The following MARCHF4 variants were observed in gnomAD, a reference collection of about 807,000 sequenced individuals.
MARCHF4 encodes the protein E3 ubiquitin-protein ligase MARCHF4.
A neutral mutation model predicts 43.9 loss-of-function variants in MARCHF4; 14 were observed. The ratio of observed to expected loss-of-function variants is 0.32; its 90% confidence interval spans 0.21 to 0.50. MARCHF4 has a LOEUF of 0.50. MARCHF4 is among the 20% of genes least tolerant of loss of function. MARCHF4 has a pLI of 0.98. For missense variants in MARCHF4, 468 were observed against 536.7 expected (o/e 0.87, Z 1.27); for synonymous variants, 226 against 213.3 (o/e 1.06, Z -0.52).
intron 1 of MARCHF4, among the ~76,000 whole-genome samples, chr2:216,291,589 C>G (rs962375235): frequency 6.6e-6 from 1 of 152,174 alleles, no homozygotes; most frequent in Admixed American, 6.5e-5. Flanking sequence ...ACACAGTAAG[C>G]TCTCAGTAAA....
At chr2:216,319,786 C>T (rs1291123786) in intron 1 of MARCHF4, among the ~76,000 whole-genome samples, 2 of 152,102 alleles carry the variant, frequency 1.3e-5, no homozygotes, top group Non-Finnish European at 1.5e-5. Flanking sequence ...ATCCCCAGCC[C>T]GTCACTCAAA....
rs1378711288 is a variant in MARCHF4 at position 216,258,581 on chromosome 2, AAATT to A, written c.*727_*730del. ...TCTTTGAACCAAATCACTATAAAATAAATTAACAAGGGCACAGAAGGACACCCTT... is the reference window on the plus strand; with the variant it reads ...TCTTTGAACCAAATCACTATAAAATAAACAAGGGCACAGAAGGACACCCTT... On this transcript the variant is annotated 3_prime_UTR_variant, in exon 4 of 4. Transcript: ENST00000273067. The A allele has an allele frequency of 6.6e-6, 1 of 151,906 alleles. No individual in the cohort carries two copies. The highest frequency in any genetic ancestry group is 1.5e-5 in the Non-Finnish European group (1 of 68,162). 9.4% of individuals were successfully genotyped at this position (151,906 alleles called of 1,614,324 possible).
intron 3 of MARCHF4, chr2:216,265,936 C>T (rs1690838526): frequency 6.6e-6 from 1 of 152,222 alleles, no homozygotes; most frequent in South Asian, 2.1e-4. Context: ...TCAGGTGAGG[C>T]TGATGCTGCC....
At chr2:216,329,423 T>C (rs193200555) in intron 1 of MARCHF4, among the ~76,000 whole-genome samples, 4 of 152,150 alleles carry the variant, frequency 2.6e-5, no homozygotes, top group African/African-American at 9.6e-5. Flanking sequence ...CCTGAGGTAG[T>C]TGACAGGTTT....
At chr2:216,280,689 G>T (rs538600375) in intron 2 of MARCHF4, among the ~76,000 whole-genome samples, 2 of 152,086 alleles carry the variant, frequency 1.3e-5, no homozygotes, top group African/African-American at 4.8e-5. Context: ...CCACATCTAC[G>T]CCACCACTCG....
At chr2:216,278,088 G>A (rs1347572111) in intron 2 of MARCHF4, among the ~76,000 whole-genome samples, 1 of 152,186 alleles carries the variant, frequency 6.6e-6, no homozygotes, top group East Asian at 1.9e-4. Context: ...TCATTGTAAG[G>A]AGGGGGCTCT....
chr2:216,289,235 C>CT (rs939876819), intron 1 of MARCHF4, among the ~76,000 whole-genome samples: 1 of 118,410 alleles, frequency 8.4e-6, no homozygotes, highest in Non-Finnish European at 1.7e-5. Flanking sequence ...TCTTCCCCAC[C>CT]CGCCCCCCAC....
At chr2:216,288,848 G>T (rs1008337019) in intron 1 of MARCHF4, among the ~76,000 whole-genome samples, 1 of 152,018 alleles carries the variant, frequency 6.6e-6, no homozygotes. Flanking sequence ...GCAGATTTAG[G>T]AGAGCTCTCT....
chr2:216,308,124 G>C (rs1691619643), intron 1 of MARCHF4, among the ~76,000 whole-genome samples: 1 of 152,120 alleles, frequency 6.6e-6, no homozygotes, highest in African/African-American at 2.4e-5. Flanking sequence ...CAAAAAGGCT[G>C]GGTGCGGTAG....
Position 216,267,757 on chromosome 2 carries a change from C to T in MARCHF4, c.866-8078G>A, listed in dbSNP as rs150570276. ...GCTATTTCTAGTCACAAACCCACTG[C>T]CAACAGACAGGCCACTCCTGAATCT... On this transcript the variant is annotated intron_variant, in intron 3 of 3. Coordinates refer to ENST00000273067, the MANE Select transcript of MARCHF4 (RefSeq NM_020814.3). 1.7e-4 allele frequency among the ~76,000 whole-genome samples: 26 copies of T among 152,314 alleles called. No homozygotes were observed. The East Asian group carries it at 5.0e-3, about 29-fold the overall frequency.
chr2:216,295,888 C>T (rs563865742), intron 1 of MARCHF4, among the ~76,000 whole-genome samples: 24 of 152,370 alleles, frequency 1.6e-4, no homozygotes, highest in South Asian at 4.1e-4. Context: ...TGGCTCACGC[C>T]TGTAATTCCA....
intron 1 of MARCHF4, among the ~76,000 whole-genome samples, chr2:216,338,035 C>T (rs1193754997): frequency 6.6e-6 from 1 of 152,156 alleles, no homozygotes; most frequent in Non-Finnish European, 1.5e-5. Flanking sequence ...GCAGTGACTT[C>T]TTGAAGAGGT....
chr2:216,269,205 T>C (rs1180154550), intron 3 of MARCHF4, among the ~76,000 whole-genome samples: 6 of 152,238 alleles, frequency 3.9e-5, no homozygotes, highest in Non-Finnish European at 1.5e-5. Flanking sequence ...AGTTGACTAT[T>C]TGATGTCCAA....
Position 216,371,578 on chromosome 2 carries a change from C to A in MARCHF4, c.-1318G>T, listed in dbSNP as rs1692768597. ...TCTGGCTGCTGCCCGCCGTCCGGCGCGGTCGCGACTCCGGCCTTCATGATC... is the reference window on the plus strand; with the variant it reads ...TCTGGCTGCTGCCCGCCGTCCGGCGAGGTCGCGACTCCGGCCTTCATGATC... On this transcript the variant is annotated 5_prime_UTR_variant, in exon 1 of 4. Coordinates refer to ENST00000273067, the MANE Select transcript of MARCHF4 (RefSeq NM_020814.3). 1 of 152,326 alleles carries A rather than the reference C, an allele frequency of 6.6e-6. No homozygotes were observed. The highest frequency in any genetic ancestry group is 2.1e-4 in the South Asian group (1 of 4,836). 9.4% of individuals were successfully genotyped at this position (152,326 alleles called of 1,614,324 possible).
intron 1 of MARCHF4, among the ~76,000 whole-genome samples, chr2:216,345,392 G>A (rs1164387391): frequency 4.6e-5 from 7 of 150,874 alleles, no homozygotes; most frequent in Non-Finnish European, 1.0e-4. Context: ...TCCAAAATAA[G>A]CTACTTCTTT....
intron 1 of MARCHF4, among the ~76,000 whole-genome samples, chr2:216,359,641 C>A (rs111443215): frequency 1.5e-3 from 231 of 152,340 alleles, no homozygotes; most frequent in Non-Finnish European, 2.1e-3. Context: ...CCAGCAGTCA[C>A]CAGCTTGACT....
At chr2:216,340,776 C>T (rs553028288) in intron 1 of MARCHF4, among the ~76,000 whole-genome samples, 27 of 152,088 alleles carry the variant, frequency 1.8e-4, no homozygotes, top group Admixed American at 3.3e-4. Flanking sequence ...GGGGTAGGGA[C>T]AAGGGAAGTA....
intron 3 of MARCHF4, among the ~76,000 whole-genome samples, chr2:216,271,697 G>A (rs1690941337): frequency 1.3e-5 from 2 of 152,186 alleles, no homozygotes; most frequent in African/African-American, 2.4e-5. Context: ...ATGGGGTTCA[G>A]TGATTACCTT....
intron 1 of MARCHF4, among the ~76,000 whole-genome samples, chr2:216,334,101 T>A (rs985168618): frequency 7.9e-5 from 12 of 152,140 alleles, no homozygotes; most frequent in Admixed American, 7.2e-4. Flanking sequence ...CTGAGGTTGC[T>A]AATCAGCTGA....
Sources: gnomAD v4.1 joint callset for allele counts (sites outside exome capture counted in the v4.1 genomes callset) on GRCh38, gnomAD v4.1.1 for gene constraint, MANE v1.5 for transcripts, NCBI Gene and HGNC (gene_info 2026-07-23, HGNC 2026-07-21) for gene names.